The following PLGRKT variants were observed in gnomAD, a reference collection of about 807,000 sequenced individuals.
PLGRKT encodes the protein plasminogen receptor with a C-terminal lysine, also known as plasminogen receptor (KT).
Under a neutral mutation model 18.5 loss-of-function variants are expected in PLGRKT, and 22 were observed. The observed-to-expected ratio is 1.19, with a 90% confidence interval of 0.85 to 1.70. The LOEUF is 1.70. Among genes scored for constraint, PLGRKT ranks in the 40% most tolerant of loss-of-function variants. PLGRKT has a pLI of 0.00. For missense variants in PLGRKT, 235 were observed against 174.4 expected (o/e 1.35, Z -1.96); for synonymous variants, 72 against 52.8 (o/e 1.36, Z -1.58).
At position 5,390,439 on chromosome 9, in the gene PLGRKT, AG is replaced by A. The variant is rs112070898; in HGVS notation, c.82-28552del. On this transcript the variant is annotated intron_variant, in intron 3 of 5. Coordinates refer to ENST00000223864, the MANE Select transcript of PLGRKT (RefSeq NM_018465.4). Reference sequence around the variant, plus strand: ...CTCAGGCAGAGAGAGTCAAAGAGGCAGGCTGAGGGGGCTGAAGACCCTTCCC... The same window carrying A: ...CTCAGGCAGAGAGAGTCAAAGAGGCAGCTGAGGGGGCTGAAGACCCTTCCC... Among the ~76,000 whole-genome samples, 1,450 of 151,946 alleles carry A rather than the reference AG, an allele frequency of 9.5e-3. 60 individuals carry two copies. The highest frequency in any genetic ancestry group is 0.033 in the African/African-American group (1,370 of 41,238).
chr9:5,397,460 A>G (rs1322457701), intron 3 of PLGRKT, among the ~76,000 whole-genome samples: 1 of 151,840 alleles, frequency 6.6e-6, no homozygotes, highest in Non-Finnish European at 1.5e-5. Context: ...GCAGTGACTG[A>G]GTTCAATTCT....
intron 3 of PLGRKT, among the ~76,000 whole-genome samples, chr9:5,386,411 T>G (rs1817844077): frequency 6.6e-6 from 1 of 151,846 alleles, no homozygotes. Flanking sequence ...CACTTATGAT[T>G]GTCACAATTG....
intron 3 of PLGRKT, among the ~76,000 whole-genome samples, chr9:5,426,078 C>G (rs72705410): frequency 0.028 from 4,191 of 152,260 alleles, 93 homozygotes; most frequent in Non-Finnish European, 0.046. Context: ...AAGACAACAT[C>G]TTCTAGCCCA....
intron 3 of PLGRKT, among the ~76,000 whole-genome samples, chr9:5,415,288 A>G (rs918934607): frequency 6.6e-6 from 1 of 152,248 alleles, no homozygotes; most frequent in Non-Finnish European, 1.5e-5. Flanking sequence ...TTTATAACCC[A>G]TAGAGTAAAA....
intron 3 of PLGRKT, among the ~76,000 whole-genome samples, chr9:5,426,514 G>C (rs558098470): frequency 3.3e-5 from 5 of 152,284 alleles, no homozygotes; most frequent in East Asian, 3.9e-4. Flanking sequence ...TCTAGAGTTA[G>C]AACACTGGTT....
At chr9:5,383,045 A>G (rs1817775684) in intron 3 of PLGRKT, among the ~76,000 whole-genome samples, 1 of 152,232 alleles carries the variant, frequency 6.6e-6, no homozygotes, top group Non-Finnish European at 1.5e-5. Flanking sequence ...AGATCACTTT[A>G]GATCACCCAA....
In PLGRKT at chr9:5,357,989, A is replaced by G. The variant is rs1817175279; in HGVS notation, c.*250T>C. On this transcript the variant is annotated 3_prime_UTR_variant, in exon 6 of 6. Coordinates refer to ENST00000223864, the MANE Select transcript of PLGRKT (RefSeq NM_018465.4). Reference sequence around the variant, plus strand: ...CATTTGCTTCCAGGAATTCAAAACAATTTATTAATTTTACACTTAGATATT... The same window carrying G: ...CATTTGCTTCCAGGAATTCAAAACAGTTTATTAATTTTACACTTAGATATT... 3.5e-6 allele frequency: 1 copy of G among 289,150 alleles called. No individual in the cohort carries two copies. Among genetic ancestry groups the G allele is most frequent in the Non-Finnish European group, 6.4e-6 (1 of 156,502 alleles). The allele number at this position is 289,150 out of a possible 1,614,324, so 17.9% of individuals were successfully genotyped here.
rs1458046831 is a variant in PLGRKT, at chr9:5,418,420, A to G, written c.81+13477T>C. On this transcript the variant is annotated intron_variant, in intron 3 of 5. Coordinates refer to ENST00000223864, the MANE Select transcript of PLGRKT (RefSeq NM_018465.4). The surrounding 1 kb of genome is among the most constrained non-coding windows in gnomAD (Gnocchi z 4.2). Reference sequence around the variant, plus strand: ...CTTAGAAATGCAGGACATGTTATGGAGCACGATGCTGAGGAGGAAGACCAA... The same window carrying G: ...CTTAGAAATGCAGGACATGTTATGGGGCACGATGCTGAGGAGGAAGACCAA... 6 of 866,232 alleles carry G rather than the reference A, an allele frequency of 6.9e-6. No homozygotes were observed. Among genetic ancestry groups the G allele is most frequent in the African/African-American group, 3.3e-5 (2 of 60,192 alleles). The allele number at this position is 866,232 out of a possible 1,614,324, so 53.7% of individuals were successfully genotyped here.
chr9:5,418,543 G>C lies in PLGRKT; in HGVS notation c.81+13354C>G. Reference sequence around the variant, plus strand: ...CTCCTCCTCCGCCACCCCCTGGGGAGCCCTGCCTTGCAGAGGCTGCTGTCC... The same window carrying C: ...CTCCTCCTCCGCCACCCCCTGGGGACCCCTGCCTTGCAGAGGCTGCTGTCC... On this transcript the variant is annotated intron_variant, in intron 3 of 5. Coordinates refer to ENST00000223864, the MANE Select transcript of PLGRKT (RefSeq NM_018465.4). The surrounding 1 kb of genome is among the most constrained non-coding windows in gnomAD (Gnocchi z 4.2). 1 of 876,872 alleles carries C rather than the reference G, an allele frequency of 1.1e-6. No homozygotes were observed. Among genetic ancestry groups the C allele is most frequent in the Non-Finnish European group, 1.9e-6 (1 of 518,496 alleles). The allele number at this position is 876,872 out of a possible 1,614,324, so 54.3% of individuals were successfully genotyped here. A position where few individuals can be genotyped will look rare whatever the true frequency, so the allele number is the denominator to read the frequency against.
chr9:5,385,720 C>G (rs1160494225), intron 3 of PLGRKT, among the ~76,000 whole-genome samples: 1 of 151,654 alleles, frequency 6.6e-6, no homozygotes, highest in African/African-American at 2.4e-5. Flanking sequence ...GGAAAGCAGC[C>G]AAAATTTGTG....
intron 3 of PLGRKT, among the ~76,000 whole-genome samples, chr9:5,419,737 C>T (rs143109220): frequency 0.01 from 1,525 of 152,060 alleles, 25 homozygotes; most frequent in African/African-American, 0.033. Context: ...GATTTGGTGA[C>T]GACATAAAAA....
In PLGRKT at chr9:5,431,990, T is replaced by C. The variant is rs1355057178; in HGVS notation, c.-6-7A>G. 2.3e-6 allele frequency: 3 copies of C among 1,318,296 alleles called. No individual in the cohort carries two copies. The highest frequency in any genetic ancestry group is 1.2e-5 in the South Asian group (1 of 84,026). The allele number at this position is 1,318,296 out of a possible 1,614,324, so 81.7% of individuals were successfully genotyped here. A position where few individuals can be genotyped will look rare whatever the true frequency, so the allele number is the denominator to read the frequency against. ...ATATAAACCCCATTTTGACCTAAAA[T>C]GTAAAAAAAGCAAGGAGACTTATAA... On this transcript the variant is annotated splice_region_variant and splice_polypyrimidine_tract_variant and intron_variant, in intron 2 of 5. Transcript: ENST00000223864.
rs1410564383 is a variant in PLGRKT, at chr9:5,373,140, GT to G, written c.82-11253del. Among the ~76,000 whole-genome samples the G allele has an allele frequency of 2.0e-5, 3 of 152,182 alleles. No homozygotes were observed. In the East Asian group the frequency reaches 5.8e-4, roughly 29 times the overall value. ...AAAAGGCACATATAATGAGCTCTAA[GT>G]TGATCTGGGGTATAGACTGACCCAA... On this transcript the variant is annotated intron_variant, in intron 3 of 5. Transcript: ENST00000223864.
intron 3 of PLGRKT, among the ~76,000 whole-genome samples, chr9:5,405,684 G>T (rs1410800480): frequency 6.6e-6 from 1 of 152,182 alleles, no homozygotes; most frequent in Non-Finnish European, 1.5e-5. Context: ...ATACTATTTA[G>T]GACACAGGCA....
At chr9:5,430,302 T>C (rs1021776074) in intron 3 of PLGRKT, among the ~76,000 whole-genome samples, 16 of 152,190 alleles carry the variant, frequency 1.1e-4, no homozygotes, top group Non-Finnish European at 1.8e-4. Context: ...AACCCTGTAG[T>C]TTCCAAAGGT....
At chr9:5,423,990 AATAT>A (rs1271227650) in intron 3 of PLGRKT, among the ~76,000 whole-genome samples, 1 of 137,792 alleles carries the variant, frequency 7.3e-6, no homozygotes, top group African/African-American at 2.8e-5. Context: ...TGTAATATGT[AATAT>A]ATATGTATTT....
intron 3 of PLGRKT, among the ~76,000 whole-genome samples, chr9:5,390,078 G>C (rs1010804712): frequency 6.6e-6 from 1 of 151,696 alleles, no homozygotes; most frequent in Non-Finnish European, 1.5e-5. Context: ...AACCAATGCA[G>C]GCCATCTAGA....
At chr9:5,403,555 G>C (rs1471661494) in intron 3 of PLGRKT, among the ~76,000 whole-genome samples, 1 of 152,184 alleles carries the variant, frequency 6.6e-6, no homozygotes. Flanking sequence ...TGTACATTTT[G>C]AAGTGATTCA....
At chr9:5,438,316 C>G (rs915175673), upstream of PLGRKT, among the ~76,000 whole-genome samples, 1 of 152,222 alleles carries the variant, frequency 6.6e-6, no homozygotes, top group Non-Finnish European at 1.5e-5. Flanking sequence ...AGCCACGTCT[C>G]TCTCCCAGCC....
Sources: gnomAD v4.1 joint callset for allele counts (sites outside exome capture counted in the v4.1 genomes callset) on GRCh38, gnomAD v4.1.1 for gene constraint, Gnocchi (gnomAD v3.1) non-coding constraint, MANE v1.5 for transcripts, NCBI Gene and HGNC (gene_info 2026-07-23, HGNC 2026-07-21) for gene names.